EGFR: variants seen among roughly 807,000 people sequenced by gnomAD.
EGFR encodes the protein avian erythroblastic leukemia viral (v-erb-b) oncogene homolog.
EGFR carries 58 observed loss-of-function variants against 143.0 expected under a neutral mutation model. The ratio of observed to expected loss-of-function variants is 0.41; its 90% CI spans 0.33 to 0.50. The LOEUF is 0.50. Ranked by LOEUF, EGFR falls within the 20% of genes least tolerant of loss-of-function variation. The pLI is 0.39. For synonymous variants in EGFR, 613 were observed against 594.4 expected (o/e 1.03, Z -0.45); for missense variants, 1,307 against 1,579.0 (o/e 0.83, Z 2.92).
chr7:55,112,742 GA>G (rs1792589068), intron 1 of EGFR, among the ~76,000 whole-genome samples: 1 of 152,216 alleles, frequency 6.6e-6, no homozygotes, highest in Non-Finnish European at 1.5e-5. Context: ...GTAGACTATG[GA>G]ATTGCTGTCG....
chr7:55,088,332 C>T lies in EGFR; in HGVS notation c.89-53954C>T, dbSNP rs1434867610. 2.6e-5 allele frequency among the ~76,000 whole-genome samples: 4 copies of T among 152,322 alleles called. No individual in the cohort carries two copies. In the East Asian group the frequency reaches 5.8e-4, roughly 22 times the overall value. On this transcript the variant is annotated intron_variant, in intron 1 of 27. Coordinates refer to ENST00000275493, the MANE Select transcript of EGFR (RefSeq NM_005228.5). ...AGAGTGCACAGTCCAGTCTATAAAA[C>T]AGACGCAGAAAATGTGTGTAGGACT... is the stretch of plus-strand genomic sequence containing the variant.
chr7:55,174,471 G>A (rs543653108), intron 18 of EGFR, among the ~76,000 whole-genome samples: 1 of 152,336 alleles, frequency 6.6e-6, no homozygotes, highest in South Asian at 2.1e-4. Context: ...GATCCACACG[G>A]ACTTTATAAC....
chr7:55,091,738 A>G (rs534349757), intron 1 of EGFR, among the ~76,000 whole-genome samples: 2 of 152,042 alleles, frequency 1.3e-5, no homozygotes, highest in Non-Finnish European at 1.5e-5. Flanking sequence ...TGCTGGCAGG[A>G]TACTTCAGCC....
intron 19 of EGFR, among the ~76,000 whole-genome samples, chr7:55,179,198 A>G (rs1041912830): frequency 6.6e-6 from 1 of 152,212 alleles, no homozygotes; most frequent in Non-Finnish European, 1.5e-5. Flanking sequence ...TCACACAAAT[A>G]TTTAAGTACA....
intron 12 of EGFR, among the ~76,000 whole-genome samples, chr7:55,160,995 C>G (rs1785670963): frequency 1.3e-5 from 2 of 152,202 alleles, no homozygotes; most frequent in African/African-American, 4.8e-5. Flanking sequence ...AGCCAATGGC[C>G]CAATGGCTCC....
chr7:55,072,804 A>G (rs1789912853), intron 1 of EGFR, among the ~76,000 whole-genome samples: 1 of 152,178 alleles, frequency 6.6e-6, no homozygotes, highest in South Asian at 2.1e-4. Context: ...GCAGATGGAA[A>G]GATGTCTGGA....
intron 1 of EGFR, among the ~76,000 whole-genome samples, chr7:55,062,951 C>A (rs1046099747): frequency 1.3e-5 from 2 of 151,860 alleles, no homozygotes; most frequent in African/African-American, 4.8e-5. Context: ...AATTGGCTTT[C>A]GAGAGAGGCA....
intron 1 of EGFR, among the ~76,000 whole-genome samples, chr7:55,034,013 A>G (rs1257792716): frequency 4.0e-5 from 6 of 151,618 alleles, no homozygotes; most frequent in Non-Finnish European, 7.4e-5. Flanking sequence ...TTTCTCCCCC[A>G]TCATCACTAA....
At chr7:55,072,574 A>G (rs189084754) in intron 1 of EGFR, among the ~76,000 whole-genome samples, 59 of 152,208 alleles carry the variant, frequency 3.9e-4, no homozygotes, top group South Asian at 1.9e-3. Flanking sequence ...TAGGGAAGTG[A>G]TTTTCCCTTA....
At chr7:55,154,253 G>A (rs1785300592) in intron 7 of EGFR, 101 bp downstream of exon 7, 1 of 1,570,750 alleles carries the variant, frequency 6.4e-7, no homozygotes, top group Middle Eastern at 1.7e-4. Context: ...GTCTTTGGGT[G>A]GATGTGTTTG....
intron 1 of EGFR, among the ~76,000 whole-genome samples, chr7:55,085,717 A>G (rs190992068): frequency 6.6e-6 from 1 of 152,314 alleles, no homozygotes; most frequent in Non-Finnish European, 1.5e-5. Context: ...ATTGCGAAGG[A>G]TCAAGGCAGA....
At chr7:55,126,560 A>C (rs1456186761) in intron 1 of EGFR, among the ~76,000 whole-genome samples, 1 of 152,128 alleles carries the variant, frequency 6.6e-6, no homozygotes, top group Non-Finnish European at 1.5e-5. Context: ...CATGCATTCA[A>C]AGACCATGCC....
rs149765586 is a variant in EGFR, at chr7:55,038,767, C to T, written c.88+19402C>T. Among the ~76,000 whole-genome samples the T allele has an allele frequency of 3.7e-3, 570 of 152,154 alleles. 1 individual carries two copies. The highest frequency in any genetic ancestry group is 0.013 in the African/African-American group (537 of 41,500). On this transcript the variant is annotated intron_variant, in intron 1 of 27. Transcript: ENST00000275493. ...GTATGTGTGTGTGTGTGTATGTAAA[C>T]CTCACCTTGCAATATTATTATTTTA...
rs111967476 is a variant in EGFR at position 55,194,777 on chromosome 7, C to T, written c.2701+1936C>T. On this transcript the variant is annotated intron_variant, in intron 22 of 27. Transcript: ENST00000275493. Reference sequence around the variant, plus strand: ...CACCCATTCTCAGGAAGTCCGTTCCCACTGAAAACATTGTGTGTTTTCAAC... The same window carrying T: ...CACCCATTCTCAGGAAGTCCGTTCCTACTGAAAACATTGTGTGTTTTCAAC... Among the ~76,000 whole-genome samples the T allele has an allele frequency of 5.4e-3, 822 of 152,324 alleles. 8 individuals are homozygous for T. The highest frequency in any genetic ancestry group is 0.019 in the African/African-American group (795 of 41,574).
In EGFR at chr7:55,103,661, G is replaced by T. The variant is rs561281741; in HGVS notation, c.89-38625G>T. Reference sequence around the variant, plus strand: ...AATCTAACCAAAGAATGATGTCGTGGGTGTTTGGATATTGGATGGTCCACA... The same window carrying T: ...AATCTAACCAAAGAATGATGTCGTGTGTGTTTGGATATTGGATGGTCCACA... On this transcript the variant is annotated intron_variant, in intron 1 of 27. Transcript: ENST00000275493. 6.0e-4 allele frequency among the ~76,000 whole-genome samples: 92 copies of T among 152,252 alleles called. No homozygotes were observed. In the South Asian group the frequency reaches 0.017, roughly 28 times the overall value.
chr7:55,068,250 C>A (rs1429052009), intron 1 of EGFR, among the ~76,000 whole-genome samples: 1 of 152,170 alleles, frequency 6.6e-6, no homozygotes, highest in Non-Finnish European at 1.5e-5. Flanking sequence ...ATCCTCAATC[C>A]TCACCATCCT....
rs190719548 is a variant in EGFR, at chr7:55,089,704, T to A, written c.89-52582T>A. Among the ~76,000 whole-genome samples, 220 of 152,304 alleles carry A rather than the reference T, an allele frequency of 1.4e-3. 1 individual carries two copies. Among genetic ancestry groups the A allele is most frequent in the Non-Finnish European group, 2.4e-3 (164 of 68,028 alleles). ...CATCTCCAGTTGTCTCAAAAATGTG[T>A]TTTCCATTGTGGTTTGTCTGAAACA... On this transcript the variant is annotated intron_variant, in intron 1 of 27. Coordinates refer to ENST00000275493, the MANE Select transcript of EGFR (RefSeq NM_005228.5).
At chr7:55,172,632 A>C (rs1786402922) in intron 16 of EGFR, among the ~76,000 whole-genome samples, 1 of 152,228 alleles carries the variant, frequency 6.6e-6, no homozygotes, top group Admixed American at 6.5e-5. Context: ...TGGAATGAAC[A>C]AAATACCAAT....
intron 11 of EGFR, among the ~76,000 whole-genome samples, chr7:55,159,412 C>T (rs1211037002): frequency 1.3e-5 from 2 of 152,220 alleles, no homozygotes; most frequent in Non-Finnish European, 2.9e-5. Context: ...TCCATCCAGT[C>T]ATCTGATATA....
Sources: gnomAD v4.1 joint callset for allele counts (sites outside exome capture counted in the v4.1 genomes callset) on GRCh38, gnomAD v4.1.1 for gene constraint, MANE v1.5 for transcripts, NCBI Gene and HGNC (gene_info 2026-07-23, HGNC 2026-07-21) for gene names.